The following DOCK4 variants were observed in gnomAD, a reference collection of about 807,000 sequenced individuals.
DOCK4 encodes dedicator of cytokinesis protein 4.
In DOCK4, 97 loss-of-function variants were observed where a neutral mutation model predicts 268.1. The observed-to-expected ratio is 0.36, with a 90% CI of 0.31 to 0.43. The LOEUF is 0.43. DOCK4 is among the 20% of genes least tolerant of loss of function. The probability of loss-of-function intolerance (pLI) is 1.00; values close to 1 mark genes in which losing one functional copy is unlikely to be tolerated. For missense variants in DOCK4, 2,145 were observed against 2,455.7 expected (o/e 0.87, Z 2.67); for synonymous variants, 954 against 887.2 (o/e 1.08, Z -1.34).
intron 44 of DOCK4, among the ~76,000 whole-genome samples, chr7:111,742,566 T>TAGG (rs1307813828): frequency 3.9e-5 from 6 of 152,100 alleles, no homozygotes; most frequent in Non-Finnish European, 1.5e-5. Flanking sequence ...TCCCCCCACA[T>TAGG]TTCCCTCTCC....
intron 13 of DOCK4, among the ~76,000 whole-genome samples, chr7:111,905,043 C>T (rs1161498353): frequency 6.6e-5 from 10 of 152,296 alleles, no homozygotes; most frequent in African/African-American, 1.4e-4. Context: ...TTCTCCTGGA[C>T]GACATTCTCC....
chr7:112,123,180 C>G (rs1161607394), intron 1 of DOCK4, among the ~76,000 whole-genome samples: 1 of 152,136 alleles, frequency 6.6e-6, no homozygotes, highest in African/African-American at 2.4e-5. Context: ...GGGAAAATGT[C>G]CATTCAGGTG....
At chr7:112,039,082 A>G (rs1306285415) in intron 1 of DOCK4, among the ~76,000 whole-genome samples, 1 of 152,164 alleles carries the variant, frequency 6.6e-6, no homozygotes, top group African/African-American at 2.4e-5. Flanking sequence ...AGAAGCCAAG[A>G]GTGTTAACAT....
rs889741824 is a variant in DOCK4, at chr7:111,926,302, C to T, written c.1066+9238G>A. On this transcript the variant is annotated intron_variant, in intron 12 of 52. Transcript: ENST00000428084. The stretch of plus-strand genomic sequence containing the variant: ...TAAATAAGCCGAGCATGGTGGCGCG[C>T]CGCCTGTAGTTCCAGCTATTCAGGA... Among the ~76,000 whole-genome samples, 54 of 128,662 alleles carry T rather than the reference C, an allele frequency of 4.2e-4. 1 individual carries two copies. The highest frequency in any genetic ancestry group is 2.2e-3 in the East Asian group (9 of 4,178). 84.4% of individuals were successfully genotyped at this position (128,662 alleles called of 152,430 possible).
At chr7:112,026,785 C>T (rs565329242) in intron 1 of DOCK4, among the ~76,000 whole-genome samples, 25 of 152,216 alleles carry the variant, frequency 1.6e-4, no homozygotes, top group African/African-American at 5.8e-4. Flanking sequence ...TATATACTAT[C>T]GAACCATTTA....
chr7:111,830,895 T>C (rs750724431), intron 26 of DOCK4, among the ~76,000 whole-genome samples: 1 of 152,096 alleles, frequency 6.6e-6, no homozygotes, highest in Non-Finnish European at 1.5e-5. Context: ...GAACCTTTCA[T>C]GATGGTACTC....
intron 23 of DOCK4, among the ~76,000 whole-genome samples, chr7:111,857,663 A>T (rs1805122356): frequency 6.6e-6 from 1 of 152,246 alleles, no homozygotes; most frequent in South Asian, 2.1e-4. Context: ...TGACAAACGC[A>T]AAGTGAATGT....
chr7:111,812,033 A>T (rs1563538304), intron 27 of DOCK4, 84 bp from the exon 28 acceptor site: 1 of 698,784 alleles, frequency 1.4e-6, no homozygotes. Flanking sequence ...TACTAAGATA[A>T]AATAAAACCT....
chr7:112,094,486 A>G (rs906090204), intron 1 of DOCK4, among the ~76,000 whole-genome samples: 3 of 152,240 alleles, frequency 2.0e-5, no homozygotes, highest in Admixed American at 6.5e-5. Context: ...TACTTTTCAA[A>G]TTACACCAAC....
At chr7:112,195,267 A>C (rs908027451) in intron 1 of DOCK4, among the ~76,000 whole-genome samples, 1 of 152,198 alleles carries the variant, frequency 6.6e-6, no homozygotes, top group African/African-American at 2.4e-5. Flanking sequence ...CAACAGAATG[A>C]GACTCCATCT....
chr7:111,798,808 T>TA (rs1293425111), intron 30 of DOCK4, among the ~76,000 whole-genome samples: 1 of 152,252 alleles, frequency 6.6e-6, no homozygotes, highest in Non-Finnish European at 1.5e-5. Context: ...AGCTAACATT[T>TA]ATACTAACTC....
At chr7:111,926,464 A>AAAAG (rs1367762509) in intron 12 of DOCK4, among the ~76,000 whole-genome samples, 10 of 147,236 alleles carry the variant, frequency 6.8e-5, no homozygotes, top group Non-Finnish European at 8.9e-5. Context: ...GAGAAAGAGA[A>AAAAG]AAAGAAAGAA....
chr7:112,100,063 A>T (rs1810533555), intron 1 of DOCK4, among the ~76,000 whole-genome samples: 1 of 152,258 alleles, frequency 6.6e-6, no homozygotes, highest in African/African-American at 2.4e-5. Context: ...TAACAAAAAT[A>T]AATTCTGACA....
intron 8 of DOCK4, among the ~76,000 whole-genome samples, chr7:111,947,953 C>G (rs1021435130): frequency 2.0e-5 from 3 of 152,078 alleles, no homozygotes; most frequent in Non-Finnish European, 4.4e-5. Flanking sequence ...GTTTCAAACT[C>G]CTGACCTCAG....
intron 5 of DOCK4, among the ~76,000 whole-genome samples, chr7:111,989,411 GCTC>G (rs925139921): frequency 1.3e-5 from 2 of 152,116 alleles, no homozygotes; most frequent in African/African-American, 4.8e-5. Flanking sequence ...CTTCTCACGT[GCTC>G]CTTTTATTTA....
chr7:112,186,733 A>C (rs1207258898), intron 1 of DOCK4, among the ~76,000 whole-genome samples: 2 of 152,200 alleles, frequency 1.3e-5, no homozygotes, highest in Non-Finnish European at 2.9e-5. Context: ...CAGAGAAACC[A>C]CTGCATTTGG....
intron 1 of DOCK4, among the ~76,000 whole-genome samples, chr7:112,052,675 C>T (rs2135558010): frequency 6.6e-6 from 1 of 152,212 alleles, no homozygotes; most frequent in South Asian, 2.1e-4. Context: ...TGCTGCCTCC[C>T]ACTCACCCAC....
chr7:112,150,581 G>A (rs1193100730), intron 1 of DOCK4, among the ~76,000 whole-genome samples: 1 of 152,108 alleles, frequency 6.6e-6, no homozygotes, highest in Non-Finnish European at 1.5e-5. Context: ...TTGAGGTTTG[G>A]ACTGTTCAGC....
chr7:111,873,579 C>T (rs1481100375), intron 17 of DOCK4, among the ~76,000 whole-genome samples: 3 of 151,920 alleles, frequency 2.0e-5, no homozygotes, highest in Non-Finnish European at 4.4e-5. Flanking sequence ...AGCAGAAACC[C>T]AAAAGGGACT....
Sources: gnomAD v4.1 joint callset for allele counts (sites outside exome capture counted in the v4.1 genomes callset) on GRCh38, gnomAD v4.1.1 for gene constraint, MANE v1.5 for transcripts, NCBI Gene and HGNC (gene_info 2026-07-23, HGNC 2026-07-21) for gene names.